Variants in SYTL3 observed in about 807,000 individuals in gnomAD.
The protein encoded by SYTL3 is synaptotagmin-like protein 3.
SYTL3 carries 88 observed loss-of-function variants against 82.1 expected under a neutral mutation model. That is an observed-to-expected ratio of 1.07 (90% confidence interval 0.90 to 1.28). The LOEUF is 1.28. Among genes scored for constraint, SYTL3 ranks in the 50% most tolerant of loss-of-function variants. The pLI, the probability that SYTL3 is intolerant of heterozygous loss-of-function variation, is 0.00. For missense variants in SYTL3, 831 were observed against 757.6 expected, an observed-to-expected ratio of 1.10 and a Z score of -1.14; for synonymous variants, 311 against 289.4, an observed-to-expected ratio of 1.07 and a Z score of -0.76.
Position 158,764,608 on chromosome 6 carries a change from G to C in SYTL3, c.*4G>C, listed in dbSNP as rs781708740. ...CATGACTCTTGTCCTGCACTGACAT[G>C]AAGGCCTCAAGGTTCCAGGTTGCAG... is the stretch of plus-strand genomic sequence containing the variant. On this transcript the variant is annotated 3_prime_UTR_variant, in exon 18 of 18. Transcript: ENST00000611299. 16 of 1,609,082 alleles carry C rather than the reference G, an allele frequency of 9.9e-6. No homozygotes were observed. The highest frequency in any genetic ancestry group is 1.4e-5 in the Non-Finnish European group (16 of 1,175,416).
chr6:158,737,944 A>G (rs1051208863), intron 11 of SYTL3, among the ~76,000 whole-genome samples: 2 of 152,152 alleles, frequency 1.3e-5, no homozygotes, highest in African/African-American at 4.8e-5. Context: ...GTGTGATGCA[A>G]TTTGGGGCAT....
chr6:158,697,286 A>G (rs1348579493), intron 6 of SYTL3, among the ~76,000 whole-genome samples: 1 of 150,418 alleles, frequency 6.6e-6, no homozygotes, highest in Non-Finnish European at 1.5e-5. Flanking sequence ...GGAAAAAAAA[A>G]AAAAAAAAAA....
chr6:158,745,380 A>G (rs1313062090), intron 11 of SYTL3, 100 bp from the exon 12 acceptor site: 6 of 1,034,548 alleles, frequency 5.8e-6, no homozygotes, highest in African/African-American at 1.6e-5. Context: ...GTCAGGATAC[A>G]TGCTGTATGA....
At chr6:158,699,756 T>C (rs1003150739) in intron 6 of SYTL3, among the ~76,000 whole-genome samples, 1 of 151,866 alleles carries the variant, frequency 6.6e-6, no homozygotes, top group African/African-American at 2.4e-5. Context: ...GAGACCACCT[T>C]GGCCAACATA....
At chr6:158,648,416 C>A (rs1787631091), upstream of SYTL3, among the ~76,000 whole-genome samples, 1 of 151,562 alleles carries the variant, frequency 6.6e-6, no homozygotes, top group Non-Finnish European at 1.5e-5. Context: ...ACGGTGAAAC[C>A]CTGTATCTAC....
At chr6:158,645,588 T>G (rs1247750757), upstream of SYTL3, among the ~76,000 whole-genome samples, 1 of 152,152 alleles carries the variant, frequency 6.6e-6, no homozygotes, top group Non-Finnish European at 1.5e-5. Context: ...AGACCTAAAC[T>G]TCAAATCCCA....
At chr6:158,751,897 TCA>T (rs760103478) in intron 12 of SYTL3, 29 bp from the exon 13 acceptor site, 18 of 1,534,096 alleles carry the variant, frequency 1.2e-5, no homozygotes, top group Non-Finnish European at 1.6e-5. Context: ...CCCTGAGTTC[TCA>T]CTCTGTCCCC....
At chr6:158,764,467 A>G (rs1790509687) in intron 17 of SYTL3, 28 bp from the exon 18 acceptor site, 2 of 1,565,052 alleles carry the variant, frequency 1.3e-6, no homozygotes, top group Non-Finnish European at 1.8e-6. Flanking sequence ...CTCCCCGACC[A>G]TGGCTAAATT....
chr6:158,692,855 G>GCAGGA, intron 6 of SYTL3, among the ~76,000 whole-genome samples: 1 of 152,166 alleles, frequency 6.6e-6, no homozygotes, highest in East Asian at 1.9e-4. Flanking sequence ...GCAGGCTGAG[G>GCAGGA]CAGGAGAATG....
chr6:158,698,487 G>T (rs193167557), intron 6 of SYTL3, among the ~76,000 whole-genome samples: 26 of 151,326 alleles, frequency 1.7e-4, no homozygotes, highest in African/African-American at 4.4e-4. Flanking sequence ...GATTTTTTTA[G>T]GTCAAACTTT....
intron 14 of SYTL3, among the ~76,000 whole-genome samples, chr6:158,759,817 C>CACCATGCT (rs1325781849): frequency 6.6e-6 from 1 of 152,204 alleles, no homozygotes; most frequent in African/African-American, 2.4e-5. Flanking sequence ...AGGCATGAGT[C>CACCATGCT]ACCATGCTTG....
At chr6:158,735,809 T>C (rs1324130035) in intron 11 of SYTL3, among the ~76,000 whole-genome samples, 3 of 152,184 alleles carry the variant, frequency 2.0e-5, no homozygotes, top group Non-Finnish European at 4.4e-5. Context: ...TAGAGCTCCG[T>C]GTTGGTAAGG....
chr6:158,743,196 G>A (rs1787160367), intron 11 of SYTL3, among the ~76,000 whole-genome samples: 2 of 152,142 alleles, frequency 1.3e-5, no homozygotes, highest in Non-Finnish European at 2.9e-5. Flanking sequence ...GAGTCAAGCA[G>A]GTCAGTAGGA....
chr6:158,754,456 C>G (rs1039443851), intron 13 of SYTL3, among the ~76,000 whole-genome samples: 40 of 152,330 alleles, frequency 2.6e-4, no homozygotes, highest in Admixed American at 5.2e-4. Context: ...TGTGGTGGCT[C>G]ACGCCTGTAA....
intron 9 of SYTL3, among the ~76,000 whole-genome samples, chr6:158,715,149 C>T (rs993919016): frequency 7.9e-5 from 12 of 152,146 alleles, no homozygotes; most frequent in African/African-American, 2.7e-4. Context: ...TTTTCCCACC[C>T]ACCCCCTTGT....
chr6:158,702,457 G>A (rs769803901), intron 6 of SYTL3, among the ~76,000 whole-genome samples: 7 of 151,350 alleles, frequency 4.6e-5, no homozygotes, highest in Non-Finnish European at 8.8e-5. Flanking sequence ...TGGGAGGATC[G>A]CTTGAGCCCT....
chr6:158,736,390 A>G (rs552973305), intron 11 of SYTL3, among the ~76,000 whole-genome samples: 2 of 152,202 alleles, frequency 1.3e-5, no homozygotes, highest in African/African-American at 4.8e-5. Context: ...ATGTCAAGAG[A>G]AAGTTAAATT....
At chr6:158,703,319 G>C (rs1781547938) in intron 6 of SYTL3, among the ~76,000 whole-genome samples, 2 of 152,100 alleles carry the variant, frequency 1.3e-5, no homozygotes, top group Non-Finnish European at 2.9e-5. Context: ...GCCTGCAGCT[G>C]TTCCTGTCCC....
intron 9 of SYTL3, 88 bp from the exon 10 acceptor site, chr6:158,717,998 TG>T: frequency 1.6e-6 from 2 of 1,288,974 alleles, no homozygotes; most frequent in Non-Finnish European, 2.1e-6. Context: ...ACCCACTGTC[TG>T]TGGGTTCAGT....
Sources: allele counts gnomAD v4.1 joint callset (sites outside exome capture counted in the v4.1 genomes callset), GRCh38; gene constraint gnomAD v4.1.1; transcripts MANE v1.5; gene names NCBI Gene and HGNC (gene_info 2026-07-23, HGNC 2026-07-21).